Variants in CHEK1 observed in about 807,000 individuals in gnomAD.
CHEK1 encodes the protein checkpoint kinase 1.
Under a neutral mutation model 60.2 loss-of-function variants are expected in CHEK1, and 32 were observed. The observed-to-expected ratio is 0.53, with a 90% confidence interval of 0.40 to 0.71. CHEK1 has a LOEUF of 0.71. Among genes scored for constraint, CHEK1 ranks in the 30% least tolerant of loss-of-function variants. The pLI is 0.00. For missense variants in CHEK1, 399 were observed against 564.6 expected (o/e 0.71, Z 2.97); for synonymous variants, 179 against 187.2 (o/e 0.96, Z 0.36).
At chr11:125,667,211 G>A (rs1468302304) in intron 13 of CHEK1, among the ~76,000 whole-genome samples, 1 of 152,090 alleles carries the variant, frequency 6.6e-6, no homozygotes, top group Admixed American at 6.5e-5. Flanking sequence ...TTACATTCAT[G>A]TATACTCCAT....
In CHEK1 at chr11:125,653,746, G is replaced by A. The variant is rs753915531; in HGVS notation, c.1234G>A (p.Val412Ile). Residue 412 changes from valine to isoleucine, a missense_variant and splice_region_variant, in exon 12 of 13, where the codon GTT becomes ATT. Coordinates refer to ENST00000438015, the MANE Select transcript of CHEK1 (RefSeq NM_001114122.3). This position sits in a 1 kb window ranked among gnomAD's most constrained non-coding sequence, Gnocchi z 4.3. ...CTTAACCTTATTTTTGTTGCCTTAG[G>A]TTACTATATCAACAACTGATAGGAG... Reference protein sequence around the residue: ...YQWKKSCMNQVTISTTDRRNN... With the variant: ...YQWKKSCMNQITISTTDRRNN... 2 of 1,529,738 alleles carry A rather than the reference G, an allele frequency of 1.3e-6. No homozygotes were observed. Among genetic ancestry groups the A allele is most frequent in the Non-Finnish European group, 1.8e-6 (2 of 1,112,732 alleles). The allele number at this position is 1,529,738 out of a possible 1,614,324, so 94.8% of individuals were successfully genotyped here.
intron 2 of CHEK1, among the ~76,000 whole-genome samples, chr11:125,627,117 T>C (rs1206398116): frequency 1.3e-5 from 2 of 152,202 alleles, no homozygotes; most frequent in East Asian, 1.9e-4. Flanking sequence ...CTCTGGAGAT[T>C]GCCTGCCTGG....
At chr11:125,674,938 C>T (rs1035203896) in intron 13 of CHEK1, among the ~76,000 whole-genome samples, 4 of 152,180 alleles carry the variant, frequency 2.6e-5, no homozygotes, top group Non-Finnish European at 5.9e-5. Context: ...TGCTCTTTTT[C>T]CTATTTACAT....
At chr11:125,626,688 C>A in intron 1 of CHEK1, 61 bp from the exon 2 acceptor site, 1 of 1,478,282 alleles carries the variant, frequency 6.8e-7, no homozygotes, top group Non-Finnish European at 9.5e-7. Context: ...AGAGGCGGGG[C>A]TCAGTGGCTT....
chr11:125,629,766 G>A (rs1477127193), intron 5 of CHEK1, among the ~76,000 whole-genome samples: 1 of 151,532 alleles, frequency 6.6e-6, no homozygotes, highest in Non-Finnish European at 1.5e-5. Flanking sequence ...GTGTTGTCCA[G>A]TCTGGGGTGC....
At chr11:125,634,588 G>A (rs966613883) in intron 6 of CHEK1, among the ~76,000 whole-genome samples, 9 of 152,042 alleles carry the variant, frequency 5.9e-5, no homozygotes, top group African/African-American at 2.2e-4. Context: ...GCCTCCCAAA[G>A]TGCTGGGATT....
downstream of CHEK1, among the ~76,000 whole-genome samples, chr11:125,680,553 A>G (rs2236680): frequency 4.3e-4 from 65 of 152,304 alleles, no homozygotes; most frequent in East Asian, 0.011. Context: ...CTGTAAAGCT[A>G]TGACTAGAGA....
At position 125,625,671 on chromosome 11, in the gene CHEK1, G is replaced by A; in HGVS notation, c.-362G>A. 2 of 610,234 alleles carry A rather than the reference G, an allele frequency of 3.3e-6. No homozygotes were observed. Among genetic ancestry groups the A allele is most frequent in the Non-Finnish European group, 5.9e-6 (2 of 337,764 alleles). 37.8% of individuals were successfully genotyped at this position (610,234 alleles called of 1,614,324 possible). A position where few individuals can be genotyped will look rare whatever the true frequency, so the allele number is the denominator to read the frequency against. On this transcript the variant is annotated 5_prime_UTR_variant, in exon 1 of 13. Coordinates refer to ENST00000438015, the MANE Select transcript of CHEK1 (RefSeq NM_001114122.3). ...GCGCGCCCCTGAGGCTTGGAGGCCT[G>A]GGCTTCCCCCAGCAGCGCTCGAGCA...
intron 11 of CHEK1, among the ~76,000 whole-genome samples, chr11:125,651,816 A>G (rs564387091): frequency 2.4e-4 from 37 of 152,214 alleles, no homozygotes; most frequent in Non-Finnish European, 5.0e-4. Context: ...GCAAGCTTTT[A>G]GCTAGTTTAC....
In CHEK1 at chr11:125,656,535, T is replaced by A. The variant is rs888197735; in HGVS notation, c.*1215T>A. On this transcript the variant is annotated 3_prime_UTR_variant, in exon 13 of 13. Transcript: ENST00000438015. ...ACCTGTTTTATTTATTTGAACCTAT[T>A]TACGGTATGCTTAAGAATTGAATCA... 4.7e-6 allele frequency: 1 copy of A among 214,808 alleles called. No individual in the cohort carries two copies. Among genetic ancestry groups the A allele is most frequent in the Non-Finnish European group, 9.4e-6 (1 of 106,570 alleles). The allele number at this position is 214,808 out of a possible 1,614,324, so 13.3% of individuals were successfully genotyped here.
intron 11 of CHEK1, among the ~76,000 whole-genome samples, chr11:125,652,118 T>C (rs1209479024): frequency 6.6e-6 from 1 of 152,230 alleles, no homozygotes; most frequent in Non-Finnish European, 1.5e-5. Context: ...GTAAGAATTA[T>C]TACAAAAACT....
intron 13 of CHEK1, among the ~76,000 whole-genome samples, chr11:125,662,438 T>C (rs1942034377): frequency 6.6e-6 from 1 of 152,172 alleles, no homozygotes; most frequent in South Asian, 2.1e-4. Context: ...GTATATTAAT[T>C]TGTCTGGAGG....
At position 125,655,365 on chromosome 11, in the gene CHEK1, A is replaced by G; in HGVS notation, c.*45A>G. 1 of 1,330,974 alleles carries G rather than the reference A, an allele frequency of 7.5e-7. No individual in the cohort carries two copies. The highest frequency in any genetic ancestry group is 1.2e-5 in the South Asian group (1 of 82,896). The allele number at this position is 1,330,974 out of a possible 1,614,324, so 82.4% of individuals were successfully genotyped here. A position where few individuals can be genotyped will look rare whatever the true frequency, so the allele number is the denominator to read the frequency against. ...GAATCCTGGTGAATATAGTGCTGCTATGTTGACATTATTCTTCCTAGAGAA... is the reference window on the plus strand; with the variant it reads ...GAATCCTGGTGAATATAGTGCTGCTGTGTTGACATTATTCTTCCTAGAGAA... On this transcript the variant is annotated 3_prime_UTR_variant, in exon 13 of 13. Coordinates refer to ENST00000438015, the MANE Select transcript of CHEK1 (RefSeq NM_001114122.3).
intron 11 of CHEK1, among the ~76,000 whole-genome samples, chr11:125,646,636 A>G (rs1941519238): frequency 6.6e-6 from 1 of 152,098 alleles, no homozygotes. Context: ...GCCAACACTT[A>G]CTGCCTCCCC....
In CHEK1 at chr11:125,626,429, CCCT is replaced by C. The variant is rs1249758486; in HGVS notation, c.-20-313_-20-311del. 4.2e-5 allele frequency: 19 copies of C among 447,572 alleles called. No individual in the cohort carries two copies. In the East Asian group the frequency reaches 4.4e-4, roughly 10 times the overall value. The allele number at this position is 447,572 out of a possible 1,614,324, so 27.7% of individuals were successfully genotyped here. Reference sequence around the variant, plus strand: ...CTCTCTTCCCCAGACCCCCACCTCTCCCTCCTCCTTCCCCAGTCGTTCGCCGGA... The same window carrying C: ...CTCTCTTCCCCAGACCCCCACCTCTCCCTCCTTCCCCAGTCGTTCGCCGGA... On this transcript the variant is annotated intron_variant, in intron 1 of 12. Coordinates refer to ENST00000438015, the MANE Select transcript of CHEK1 (RefSeq NM_001114122.3).
In CHEK1 at chr11:125,626,845, T is replaced by C; in HGVS notation, c.65+12T>C. The C allele has an allele frequency of 6.2e-7, 1 of 1,613,998 alleles. No homozygotes were observed. Among genetic ancestry groups the C allele is most frequent in the Non-Finnish European group, 8.5e-7 (1 of 1,179,878 alleles). ...GGTGCCTATGGAGAGTGAGTTCTTT[T>C]AAGCTTGCCTTCGTTTTCTGAGTGC... On this transcript the variant is annotated intron_variant, in intron 2 of 12. Transcript: ENST00000438015.
At position 125,635,448 on chromosome 11, in the gene CHEK1, C is replaced by A; in HGVS notation, c.633C>A (p.Pro211=). 6.3e-7 allele frequency: 1 copy of A among 1,596,194 alleles called. No homozygotes were observed. The highest frequency in any genetic ancestry group is 1.2e-5 in the South Asian group (1 of 86,618). Residue 211 remains proline (P), a synonymous_variant, in exon 7 of 13, where the codon CCC becomes CCA. Coordinates refer to ENST00000438015, the MANE Select transcript of CHEK1 (RefSeq NM_001114122.3). ...MLAGELPWDQ[P]SDSCQEYSDW... ...TTTTAGAATTGCCATGGGACCAACC[C>A]AGTGACAGCTGTCAGGAGTATTCTG...
At chr11:125,646,936 G>A (rs557309734) in intron 11 of CHEK1, among the ~76,000 whole-genome samples, 1 of 152,208 alleles carries the variant, frequency 6.6e-6, no homozygotes, top group African/African-American at 2.4e-5. Flanking sequence ...TCTTGTTAGT[G>A]TCGTTTGATG....
At chr11:125,647,306 G>C (rs1941539855) in intron 11 of CHEK1, among the ~76,000 whole-genome samples, 1 of 151,754 alleles carries the variant, frequency 6.6e-6, no homozygotes, top group East Asian at 1.9e-4. Context: ...ATAGATGTAT[G>C]GGTTTATTTC....
Sources: allele counts gnomAD v4.1 joint callset (sites outside exome capture counted in the v4.1 genomes callset), GRCh38; gene constraint gnomAD v4.1.1; non-coding constraint Gnocchi (gnomAD v3.1); transcripts MANE v1.5; gene names NCBI Gene and HGNC (gene_info 2026-07-23, HGNC 2026-07-21).